ACBD3: variants seen among roughly 807,000 people sequenced by gnomAD.
ACBD3 encodes the protein acyl-CoA binding domain containing 3.
Under a neutral mutation model 66.9 loss-of-function variants are expected in ACBD3, and 30 were observed. The ratio of observed to expected loss-of-function variants is 0.45; its 90% confidence interval spans 0.34 to 0.61. The LOEUF is 0.61. ACBD3 is among the 20% of genes least tolerant of loss of function. The pLI, the probability that ACBD3 is intolerant of heterozygous loss-of-function variation, is 0.02. For synonymous variants in ACBD3, 278 were observed against 259.8 expected, an observed-to-expected ratio of 1.07 and a Z score of -0.68; for missense variants, 544 against 664.5, an observed-to-expected ratio of 0.82 and a Z score of 1.99.
intron 6 of ACBD3, among the ~76,000 whole-genome samples, chr1:226,154,208 GTAAT>G: frequency 6.6e-6 from 1 of 152,090 alleles, no homozygotes; most frequent in South Asian, 2.1e-4. Context: ...AAATTTAGGT[GTAAT>G]TAATTTTTGT....
At chr1:226,157,523 G>A (rs1287534395) in intron 5 of ACBD3, among the ~76,000 whole-genome samples, 2 of 151,954 alleles carry the variant, frequency 1.3e-5, no homozygotes, top group Non-Finnish European at 2.9e-5. Context: ...ACAGGCATGT[G>A]CCACCACACC....
chr1:226,161,517 CATA>C lies in ACBD3; in HGVS notation c.728+11_728+13del. ...ATTTCTCATTTTAAAACATAAGCCA[CATA>C]ATAAACTTACTTTTGCTGCTCCAAC... On this transcript the variant is annotated intron_variant, in intron 4 of 7. Coordinates refer to ENST00000366812, the MANE Select transcript of ACBD3 (RefSeq NM_022735.4). 1 of 1,610,344 alleles carries C rather than the reference CATA, an allele frequency of 6.2e-7. No homozygotes were observed. The highest frequency in any genetic ancestry group is 8.5e-7 in the Non-Finnish European group (1 of 1,179,262).
In ACBD3 at chr1:226,164,780, A is replaced by T. The variant is rs1302496987; in HGVS notation, c.569+9T>A. 3 of 1,607,272 alleles carry T rather than the reference A, an allele frequency of 1.9e-6. No homozygotes were observed. Among genetic ancestry groups the T allele is most frequent in the Non-Finnish European group, 2.5e-6 (3 of 1,177,066 alleles). ...CAGCAATAAAGTATTCCATGCCCTC[A>T]AACTTCACCTTTTTTTTTCTTGCTC... is the stretch of plus-strand genomic sequence containing the variant. On this transcript the variant is annotated intron_variant, in intron 3 of 7. Transcript: ENST00000366812.
chr1:226,156,825 A>T (rs1320216787), intron 5 of ACBD3, among the ~76,000 whole-genome samples: 1 of 152,244 alleles, frequency 6.6e-6, no homozygotes, highest in Non-Finnish European at 1.5e-5. Flanking sequence ...TCACTGCATG[A>T]CAGGAAAGCA....
rs553422432 is a variant in ACBD3, at chr1:226,162,550, C to T, written c.570-861G>A. ...CTTTCACCCACCCCACAAGACCCTT[C>T]CAAAAAGAACAGATCCTATTGTGCT... On this transcript the variant is annotated intron_variant, in intron 3 of 7. Transcript: ENST00000366812. Among the ~76,000 whole-genome samples the T allele has an allele frequency of 2.6e-5, 4 of 152,256 alleles. No individual in the cohort carries two copies. In the South Asian group the frequency reaches 8.3e-4, roughly 32 times the overall value.
At chr1:226,152,712 AGGCAC>A (rs1659601814) in intron 6 of ACBD3, 93 bp from the exon 7 acceptor site, 3 of 1,235,156 alleles carry the variant, frequency 2.4e-6, no homozygotes, top group Non-Finnish European at 3.4e-6. Flanking sequence ...AGTTGTACTC[AGGCAC>A]CAAGTACAAT....
At chr1:226,169,685 C>A (rs1344601620) in intron 1 of ACBD3, among the ~76,000 whole-genome samples, 1 of 137,276 alleles carries the variant, frequency 7.3e-6, no homozygotes, top group Non-Finnish European at 1.5e-5. Context: ...GCTAGCATTA[C>A]AGGCGTGAGC....
chr1:226,155,417 CAAA>C (rs66832924), intron 5 of ACBD3, among the ~76,000 whole-genome samples: 9 of 107,816 alleles, frequency 8.3e-5, no homozygotes, highest in Non-Finnish European at 1.0e-4. Flanking sequence ...AACTCCATCT[CAAA>C]AAAAAAAAAA....
At chr1:226,164,613 A>G (rs1659837186) in intron 3 of ACBD3, among the ~76,000 whole-genome samples, 176 bp downstream of exon 3, 2 of 152,208 alleles carry the variant, frequency 1.3e-5, no homozygotes, top group African/African-American at 4.8e-5. Context: ...CCTCCCCCCA[A>G]AACTTATAAT....
intron 1 of ACBD3, among the ~76,000 whole-genome samples, chr1:226,180,898 C>T (rs1307095619): frequency 6.6e-6 from 1 of 151,380 alleles, no homozygotes; most frequent in African/African-American, 2.4e-5. Flanking sequence ...ACTCGGGAGG[C>T]TGAGGCAGGA....
intron 6 of ACBD3, among the ~76,000 whole-genome samples, chr1:226,153,015 C>G (rs930088801): frequency 1.3e-5 from 2 of 152,214 alleles, no homozygotes; most frequent in African/African-American, 2.4e-5. Flanking sequence ...ACAAAGAAAG[C>G]TGGACTTTGA....
rs1659434161 is a variant in ACBD3 at position 226,145,687 on chromosome 1, C to T, written c.*923G>A. The T allele has an allele frequency of 6.6e-6, 1 of 152,472 alleles. No homozygotes were observed. 9.4% of individuals were successfully genotyped at this position (152,472 alleles called of 1,614,324 possible). On this transcript the variant is annotated 3_prime_UTR_variant, in exon 8 of 8. Transcript: ENST00000366812. ...ATAGACTGTCTCTGGCAGTGATTTCCATATTAGTGCAATGTTACTTCCCAT... is the reference window on the plus strand; with the variant it reads ...ATAGACTGTCTCTGGCAGTGATTTCTATATTAGTGCAATGTTACTTCCCAT...
intron 5 of ACBD3, among the ~76,000 whole-genome samples, chr1:226,157,377 T>C (rs1299179103): frequency 6.6e-6 from 1 of 152,100 alleles, no homozygotes; most frequent in Non-Finnish European, 1.5e-5. Context: ...GTAGCTGAGA[T>C]TACAGATGTG....
At chr1:226,149,263 G>C (rs988496323) in intron 7 of ACBD3, among the ~76,000 whole-genome samples, 1 of 149,534 alleles carries the variant, frequency 6.7e-6, no homozygotes, top group African/African-American at 2.5e-5. Context: ...GTCTGGCTCT[G>C]TCGCCCAGGC....
chr1:226,179,917 A>G (rs1371789486), intron 1 of ACBD3, among the ~76,000 whole-genome samples: 1 of 152,128 alleles, frequency 6.6e-6, no homozygotes, highest in Non-Finnish European at 1.5e-5. Flanking sequence ...TCACGCCTGT[A>G]ATCCCAGCAC....
At chr1:226,165,469 C>A (rs1022239776) in intron 2 of ACBD3, among the ~76,000 whole-genome samples, 4 of 152,116 alleles carry the variant, frequency 2.6e-5, no homozygotes, top group Non-Finnish European at 5.9e-5. Context: ...CCGCACCTGG[C>A]CTATTTTTCT....
intron 7 of ACBD3, chr1:226,148,092 T>C (rs1659493473): frequency 6.6e-6 from 1 of 152,330 alleles, no homozygotes; most frequent in South Asian, 2.1e-4. Flanking sequence ...ATTCTCACCG[T>C]CTATAGCAGA....
At chr1:226,170,449 C>T (rs1303906573) in intron 1 of ACBD3, among the ~76,000 whole-genome samples, 1 of 147,930 alleles carries the variant, frequency 6.8e-6, no homozygotes, top group Non-Finnish European at 1.5e-5. Context: ...GCTGAGATTA[C>T]AGACGTGAGC....
At chr1:226,161,857 C>T (rs369727703) in intron 3 of ACBD3, among the ~76,000 whole-genome samples, 168 bp from the exon 4 acceptor site, 26 of 152,240 alleles carry the variant, frequency 1.7e-4, no homozygotes, top group African/African-American at 5.8e-4. Flanking sequence ...GGGAATCAAT[C>T]GCACAATATA....
Sources: gnomAD v4.1 joint callset for allele counts (sites outside exome capture counted in the v4.1 genomes callset) on GRCh38, gnomAD v4.1.1 for gene constraint, MANE v1.5 for transcripts, NCBI Gene and HGNC (gene_info 2026-07-23, HGNC 2026-07-21) for gene names.